Variants in CST6 observed in about 807,000 individuals in gnomAD.
The protein encoded by CST6 is cystatin-M.
A neutral mutation model predicts 10.7 loss-of-function variants in CST6; 8 were observed. The ratio of observed to expected loss-of-function variants is 0.75; its 90% CI spans 0.44 to 1.34. The LOEUF is 1.34. Ranked by LOEUF, CST6 falls within the 40% of genes most tolerant of loss-of-function variation. The probability of loss-of-function intolerance (pLI) is 0.01; values close to 1 mark genes in which losing one functional copy is unlikely to be tolerated. For missense variants in CST6, 206 were observed against 205.1 expected, an observed-to-expected ratio of 1.00 and a Z score of -0.03; for synonymous variants, 100 against 89.3, an observed-to-expected ratio of 1.12 and a Z score of -0.68.
At position 66,012,161 on chromosome 11, in the gene CST6, G is replaced by C. The variant is rs1236263125; in HGVS notation, c.117G>C (p.Arg39=). The change falls in exon 1 of 3, where the codon CGG becomes CGC. Residue 39 remains arginine (R), a synonymous_variant. Coordinates refer to ENST00000312134, the MANE Select transcript of CST6 (RefSeq NM_001323.4). ...AGGAGCGCATGGTCGGAGAACTCCG[G>C]GACCTGTCGCCCGACGACCCGCAGG... is the stretch of plus-strand genomic sequence containing the variant. The part of the protein sequence containing the change: ...RPQERMVGEL[R]DLSPDDPQVQ... 1 of 1,560,142 alleles carries C rather than the reference G, an allele frequency of 6.4e-7. No individual in the cohort carries two copies. Among genetic ancestry groups the C allele is most frequent in the African/African-American group, 1.4e-5 (1 of 73,968 alleles).
chr11:66,013,223 C>T, intron 2 of CST6, 94 bp from the exon 3 acceptor site: 1 of 1,193,606 alleles, frequency 8.4e-7, no homozygotes. Context: ...CCTCTCTTGG[C>T]CTGGAGCAGC....
Position 66,012,863 on chromosome 11 carries a change from T to C in CST6, c.278T>C (p.Met93Thr). ...ATCAAGTACTTCCTGACGATGGAGA[T>C]GGGGAGCACAGACTGCCGCAAGACC... is the stretch of plus-strand genomic sequence containing the variant. Reference protein sequence around the residue: ...AGIKYFLTMEMGSTDCRKTRV... With the variant: ...AGIKYFLTMETGSTDCRKTRV... The change falls in exon 2 of 3, where the codon ATG becomes ACG. Residue 93 changes from methionine (M) to threonine (T), a missense_variant. Transcript: ENST00000312134. The C allele has an allele frequency of 6.2e-7, 1 of 1,611,230 alleles. No homozygotes were observed. Among genetic ancestry groups the C allele is most frequent in the Non-Finnish European group, 8.5e-7 (1 of 1,177,912 alleles).
intron 2 of CST6, 29 bp from the exon 3 acceptor site, chr11:66,013,288 C>A (rs1393030591): frequency 2.5e-6 from 4 of 1,602,518 alleles, no homozygotes; most frequent in Non-Finnish European, 3.4e-6. Flanking sequence ...TGGGCTCACC[C>A]CTCCTTCTCC....
Position 66,012,082 on chromosome 11 carries a change from C to G in CST6, c.38C>G (p.Ala13Gly). ...RSNLPLALGL[A>G]LVAFCLLALP... ...AACCTCCCGCTGGCGCTGGGCCTGG[C>G]CCTGGTCGCATTCTGCCTCCTGGCG... The change falls in exon 1 of 3, where the codon GCC becomes GGC. Residue 13 changes from alanine to glycine, a missense_variant. Ala to Gly is a moderately conservative substitution (Grantham distance 60, BLOSUM62 0). Coordinates refer to ENST00000312134, the MANE Select transcript of CST6 (RefSeq NM_001323.4). 6.4e-7 allele frequency: 1 copy of G among 1,569,194 alleles called. No individual in the cohort carries two copies. The highest frequency in any genetic ancestry group is 1.3e-5 in the African/African-American group (1 of 74,526).
intron 2 of CST6, 86 bp downstream of exon 2, chr11:66,013,037 G>GTAGATGTC (rs1565067002): frequency 1.3e-6 from 2 of 1,519,488 alleles, no homozygotes; most frequent in East Asian, 4.7e-5. Flanking sequence ...GGCTGGACAC[G>GTAGATGTC]TAGATGTCTA....
rs1256251757 is a variant in CST6 at position 66,012,292 on chromosome 11, G to A, written c.240+8G>A. The A allele has an allele frequency of 1.3e-6, 2 of 1,586,654 alleles. No individual in the cohort carries two copies. Among genetic ancestry groups the A allele is most frequent in the African/African-American group, 1.3e-5 (1 of 74,384 alleles). On this transcript the variant is annotated splice_region_variant and intron_variant, in intron 1 of 2. Coordinates refer to ENST00000312134, the MANE Select transcript of CST6 (RefSeq NM_001323.4). ...ATCAAGGCGCAGAGCCAGGTGCGGC[G>A]GGCGGGGTGCTGGGAGGGGACACCC...
chr11:66,012,255 G>C lies in CST6; in HGVS notation c.211G>C (p.Asp71His). The change falls in exon 1 of 3, where the codon GAC (aspartate) becomes CAC (histidine). Residue 71 changes from aspartate (D) to histidine (H), a missense_variant. Asp to His is a moderately conservative substitution (Grantham distance 81). Transcript: ENST00000312134. ...MGSNSIYYFR[D>H]THIIKAQSQL... is the part of the protein sequence containing the mutation. ...CAGCAACAGCATCTACTACTTCCGA[G>C]ACACGCACATCATCAAGGCGCAGAG... The C allele has an allele frequency of 6.2e-7, 1 of 1,606,098 alleles. No homozygotes were observed.
chr11:66,012,081 G>C lies in CST6; in HGVS notation c.37G>C (p.Ala13Pro). ...GAACCTCCCGCTGGCGCTGGGCCTGGCCCTGGTCGCATTCTGCCTCCTGGC... is the reference window on the plus strand; with the variant it reads ...GAACCTCCCGCTGGCGCTGGGCCTGCCCCTGGTCGCATTCTGCCTCCTGGC... ...RSNLPLALGLALVAFCLLALP... is the reference protein window; with the variant it reads ...RSNLPLALGLPLVAFCLLALP... The change falls in exon 1 of 3, where the codon GCC becomes CCC. Residue 13 changes from alanine to proline, a missense_variant. Transcript: ENST00000312134. The C allele has an allele frequency of 1.3e-6, 2 of 1,569,180 alleles. No individual in the cohort carries two copies. The highest frequency in any genetic ancestry group is 2.3e-5 in the South Asian group (2 of 86,794).
rs749247376 is a variant in CST6, at chr11:66,012,081, GC to G, written c.40del (p.Leu14TrpfsTer76). ...GAACCTCCCGCTGGCGCTGGGCCTGGCCCTGGTCGCATTCTGCCTCCTGGCG... is the reference window on the plus strand; with the variant it reads ...GAACCTCCCGCTGGCGCTGGGCCTGGCCTGGTCGCATTCTGCCTCCTGGCG... ...RSNLPLALGLALVAFCLLALP... is the reference protein window; with the variant it reads ...RSNLPLALGLXLVAFCLLALP... On this transcript the variant is annotated frameshift_variant, in exon 1 of 3. Transcript: ENST00000312134. LOFTEE classifies it high-confidence loss of function. 14 of 1,569,180 alleles carry G rather than the reference GC, an allele frequency of 8.9e-6. 1 individual carries two copies. The South Asian group carries it at 1.6e-4, about 18-fold the overall frequency.
Position 66,012,891 on chromosome 11 carries a change from G to A in CST6, c.306G>A (p.Arg102=). ...EMGSTDCRKT[R]VTGDHVDLTT... The stretch of plus-strand genomic sequence containing the variant: ...GGAGCACAGACTGCCGCAAGACCAG[G>A]GTCACTGGAGACCACGTCGACCTCA... The change falls in exon 2 of 3, where the codon AGG becomes AGA. Residue 102 remains arginine, a synonymous_variant. Transcript: ENST00000312134. 6.2e-7 allele frequency: 1 copy of A among 1,613,708 alleles called. No individual in the cohort carries two copies. Among genetic ancestry groups the A allele is most frequent in the Non-Finnish European group, 8.5e-7 (1 of 1,179,890 alleles).
chr11:66,012,120 G>T lies in CST6; in HGVS notation c.76G>T (p.Ala26Ser), dbSNP rs1349949731. The T allele has an allele frequency of 1.9e-6, 3 of 1,549,664 alleles. No individual in the cohort carries two copies. Among genetic ancestry groups the T allele is most frequent in the African/African-American group, 2.7e-5 (2 of 73,762 alleles). Reference sequence around the variant, plus strand: ...CTGCCTCCTGGCGCTGCCACGCGACGCCCGGGCCCGGCCGCAGGAGCGCAT... The same window carrying T: ...CTGCCTCCTGGCGCTGCCACGCGACTCCCGGGCCCGGCCGCAGGAGCGCAT... Reference protein sequence around the residue: ...AFCLLALPRDARARPQERMVG... With the variant: ...AFCLLALPRDSRARPQERMVG... The change falls in exon 1 of 3, where the codon GCC becomes TCC. Residue 26 changes from alanine (A) to serine (S), a missense_variant. Ala to Ser is a moderately conservative substitution (Grantham distance 99). Coordinates refer to ENST00000312134, the MANE Select transcript of CST6 (RefSeq NM_001323.4).
chr11:66,012,372 A>C, intron 1 of CST6, 88 bp downstream of exon 1: 1 of 1,416,474 alleles, frequency 7.1e-7, no homozygotes, highest in Non-Finnish European at 9.4e-7. Context: ...AGGGGGCCTA[A>C]AAGCGCAATC....
chr11:66,013,404 G>A lies in CST6; in HGVS notation c.*4G>A. On this transcript the variant is annotated 3_prime_UTR_variant, in exon 3 of 3. Transcript: ENST00000312134. ...GCACAACTGTGTGCAGATGTGATAA[G>A]TCCCCGAGGGCGAAGGCCATTGGGT... 6.2e-7 allele frequency: 1 copy of A among 1,613,788 alleles called. No homozygotes were observed. The highest frequency in any genetic ancestry group is 8.5e-7 in the Non-Finnish European group (1 of 1,179,634).
chr11:66,012,684 A>ACACC (rs1856181818), intron 1 of CST6, 142 bp from the exon 2 acceptor site: 1 of 59,660 alleles, frequency 1.7e-5, no homozygotes, highest in Non-Finnish European at 3.6e-5. Flanking sequence ...ACCCCCCCCC[A>ACACC]CCCCCCCCCA....
chr11:66,012,956 C>A lies in CST6; in HGVS notation c.366+5C>A. On this transcript the variant is annotated splice_donor_5th_base_variant and intron_variant, in intron 2 of 2. Transcript: ENST00000312134. ...GCAGCAGGGGCGCAGCAGGAGGTAA[C>A]AGCTGGGCTCCTCCAGCCCCAGCCC... The A allele has an allele frequency of 1.2e-6, 2 of 1,613,124 alleles. No homozygotes were observed. Among genetic ancestry groups the A allele is most frequent in the Non-Finnish European group, 1.7e-6 (2 of 1,179,796 alleles).
rs1322325417 is a variant in CST6, at chr11:66,013,368, C to T, written c.418C>T (p.Gln140Ter). 1 of 1,614,076 alleles carries T rather than the reference C, an allele frequency of 6.2e-7. No individual in the cohort carries two copies. The highest frequency in any genetic ancestry group is 8.5e-7 in the Non-Finnish European group (1 of 1,180,030). The change falls in exon 3 of 3, where the codon CAG (glutamine) becomes TAG (stop). Residue 140 changes from glutamine to a stop codon, truncating the protein, a stop_gained. Transcript: ENST00000312134. LOFTEE classifies it high-confidence loss of function. The part of the protein sequence containing the change: ...VLVVPWQNSS[Q>*]LLKHNCVQM The stretch of plus-strand genomic sequence containing the variant: ...TGTGGTTCCCTGGCAGAACTCCTCT[C>T]AGCTCCTAAAGCACAACTGTGTGCA...
At chr11:66,013,164 A>G (rs904292960) in intron 2 of CST6, 153 bp from the exon 3 acceptor site, 2 of 965,040 alleles carry the variant, frequency 2.1e-6, no homozygotes, top group African/African-American at 3.2e-5. Flanking sequence ...CAAGATCTGG[A>G]GTCTAGCCCC....
At position 66,012,173 on chromosome 11, in the gene CST6, C is replaced by T. The variant is rs185501766; in HGVS notation, c.129C>T (p.Pro43=). ...RMVGELRDLS[P]DDPQVQKAAQ... ...TCGGAGAACTCCGGGACCTGTCGCCCGACGACCCGCAGGTGCAGAAGGCGG... is the reference window on the plus strand; with the variant it reads ...TCGGAGAACTCCGGGACCTGTCGCCTGACGACCCGCAGGTGCAGAAGGCGG... Residue 43 remains proline (P), a synonymous_variant, in exon 1 of 3, where the codon CCC becomes CCT. Transcript: ENST00000312134. 2.0e-4 allele frequency: 311 copies of T among 1,566,682 alleles called. No homozygotes were observed. In the East Asian group the frequency reaches 5.2e-3, roughly 26 times the overall value.
chr11:66,012,338 C>T, intron 1 of CST6, 54 bp downstream of exon 1: 2 of 1,527,470 alleles, frequency 1.3e-6, no homozygotes, highest in Non-Finnish European at 1.8e-6. Flanking sequence ...GGGGAGGCCA[C>T]AGGCGCTGCC....
Sources: allele counts gnomAD v4.1 joint callset, GRCh38; gene constraint gnomAD v4.1.1; transcripts MANE v1.5; gene names NCBI Gene and HGNC (gene_info 2026-07-23, HGNC 2026-07-21).